TECR: variants seen among roughly 807,000 people sequenced by gnomAD.
TECR encodes the protein trans-2,3-enoyl-CoA reductase.
A neutral mutation model predicts 50.6 loss-of-function variants in TECR; 19 were observed. That is an observed-to-expected ratio of 0.38 (90% CI 0.26 to 0.55). The LOEUF (loss-of-function observed/expected upper bound fraction) is 0.55, where lower values mean the gene tolerates loss of function less well. Among genes scored for constraint, TECR ranks in the 20% least tolerant of loss-of-function variants. The pLI is 0.79. For synonymous variants in TECR, 168 were observed against 163.5 expected (o/e 1.03, Z -0.21); for missense variants, 313 against 408.3 (o/e 0.77, Z 2.01).
At chr19:14,562,305 T>G in intron 1 of TECR, 1 of 638,616 alleles carries the variant, frequency 1.6e-6, no homozygotes, top group Non-Finnish European at 2.8e-6. Context: ...CTGCTTCCCG[T>G]GGGGAGGTCG....
intron 11 of TECR, 72 bp downstream of exon 11, chr19:14,565,362 G>C: frequency 6.4e-7 from 1 of 1,574,590 alleles, no homozygotes. Context: ...CCCTAGGATG[G>C]GGCGCCTGGC....
intron 1 of TECR, among the ~76,000 whole-genome samples, chr19:14,550,632 A>G (rs2073466596): frequency 6.6e-6 from 1 of 152,052 alleles, no homozygotes; most frequent in Admixed American, 6.6e-5. Flanking sequence ...TTTGGCCTTT[A>G]CACTGGAGCT....
chr19:14,562,416 G>A, intron 1 of TECR, 109 bp from the exon 2 acceptor site: 1 of 1,198,414 alleles, frequency 8.3e-7, no homozygotes, highest in Non-Finnish European at 1.2e-6. Context: ...ACTTGAGCTT[G>A]TTGGCCCGGG....
intron 1 of TECR, among the ~76,000 whole-genome samples, chr19:14,556,292 C>T (rs1039212920): frequency 5.3e-5 from 8 of 152,074 alleles, no homozygotes; most frequent in East Asian, 1.9e-4. Flanking sequence ...TTTGTTCACA[C>T]GCCACTTTCT....
chr19:14,550,803 C>T (rs1053277313), intron 1 of TECR, among the ~76,000 whole-genome samples: 5 of 151,888 alleles, frequency 3.3e-5, no homozygotes, highest in African/African-American at 1.2e-4. Flanking sequence ...GTCTCAGCCT[C>T]CCCCGTAGCT....
chr19:14,553,889 G>A (rs1006796505), intron 1 of TECR, among the ~76,000 whole-genome samples: 33 of 152,164 alleles, frequency 2.2e-4, no homozygotes, highest in Non-Finnish European at 1.5e-4. Flanking sequence ...GGCCCTTTGT[G>A]TCTTTACCTG....
chr19:14,542,918 G>T (rs564648932), intron 1 of TECR, among the ~76,000 whole-genome samples: 4 of 152,102 alleles, frequency 2.6e-5, no homozygotes, highest in African/African-American at 9.6e-5. Context: ...CGTAAGCAGA[G>T]CCCACCAGCC....
chr19:14,529,473 T>C (rs2146541249), upstream of TECR: 1 of 673,284 alleles, frequency 1.5e-6, no homozygotes, highest in East Asian at 2.7e-5. Flanking sequence ...AATCCCCTGG[T>C]GCTAGTCCTA....
At chr19:14,557,749 GTCA>G (rs1399633985) in intron 1 of TECR, among the ~76,000 whole-genome samples, 1 of 145,058 alleles carries the variant, frequency 6.9e-6, no homozygotes, top group Admixed American at 6.9e-5. Context: ...ACCGTGCCCG[GTCA>G]TCATATTTAT....
At chr19:14,542,369 T>TTTTTTTTTTTG in intron 1 of TECR, among the ~76,000 whole-genome samples, 1 of 132,212 alleles carries the variant, frequency 7.6e-6, no homozygotes, top group Non-Finnish European at 1.6e-5. Context: ...TTTTTTTTTT[T>TTTTTTTTTTTG]TTTTTTTCTG....
At chr19:14,534,375 C>T (rs1477910192) in intron 1 of TECR, among the ~76,000 whole-genome samples, 2 of 148,534 alleles carry the variant, frequency 1.3e-5, no homozygotes, top group African/African-American at 5.0e-5. Context: ...CCGCCCGCCT[C>T]GGCCTCCCAG....
At chr19:14,529,235 C>A (rs1266026018), upstream of TECR, 2 of 281,810 alleles carry the variant, frequency 7.1e-6, no homozygotes. Flanking sequence ...TTCGGCGCCG[C>A]CTGTCATGTG....
rs541489558 is a variant in TECR at position 14,563,272 on chromosome 19, C to T, written c.118+15C>T. 78 of 1,604,316 alleles carry T rather than the reference C, an allele frequency of 4.9e-5. 1 individual carries two copies. In the South Asian group the frequency reaches 6.1e-4, roughly 12 times the overall value. On this transcript the variant is annotated intron_variant, in intron 3 of 12. Transcript: ENST00000215567. The surrounding 1 kb of genome is among the most constrained non-coding windows in gnomAD (Gnocchi z 5.3). ...CACTAAGACCCGTGAGTTCTAGTCCCGGCCACACTGCCCCTGCAACCCCTT... is the reference window on the plus strand; with the variant it reads ...CACTAAGACCCGTGAGTTCTAGTCCTGGCCACACTGCCCCTGCAACCCCTT...
chr19:14,555,438 CT>C (rs747503834), intron 1 of TECR, among the ~76,000 whole-genome samples: 2,441 of 92,842 alleles, frequency 0.026, 44 homozygotes, highest in African/African-American at 0.065. Context: ...TTTATTTATT[CT>C]TTTTTTTTTT....
Position 14,564,994 on chromosome 19 carries a change from T to TA in TECR, c.606+4dup, listed in dbSNP as rs1195438665. Reference sequence around the variant, plus strand: ...AAACTGGCGCTCGCCATCTTTGTGGTAAGGAGGCTGGGTGTGGGGACGGGG... The same window carrying TA: ...AAACTGGCGCTCGCCATCTTTGTGGTAAAGGAGGCTGGGTGTGGGGACGGGG... On this transcript the variant is annotated splice_region_variant and intron_variant, in intron 9 of 12. Transcript: ENST00000215567. 6.2e-7 allele frequency: 1 copy of TA among 1,613,952 alleles called. No homozygotes were observed. The highest frequency in any genetic ancestry group is 8.5e-7 in the Non-Finnish European group (1 of 1,180,010).
In TECR at chr19:14,565,801, A is replaced by G; in HGVS notation, c.857A>G (p.His286Arg). The G allele has an allele frequency of 1.2e-6, 2 of 1,603,874 alleles. No homozygotes were observed. Among genetic ancestry groups the G allele is most frequent in the Non-Finnish European group, 1.7e-6 (2 of 1,176,234 alleles). ...ATGACCATCTGGGCCAAGGGCAAGC[A>G]CCGCAGCTACCTGAAGGAGTTCCGG... The part of the protein sequence containing the change: ...TQMTIWAKGK[H>R]RSYLKEFRDY... The change falls in exon 13 of 13, where the codon CAC becomes CGC. Residue 286 changes from histidine (H) to arginine (R), a missense_variant. Physicochemically the swap from His to Arg is conservative, Grantham distance 29. Coordinates refer to ENST00000215567, the MANE Select transcript of TECR (RefSeq NM_138501.6).
Position 14,562,280 on chromosome 19 carries a change from T to C in TECR, c.16-245T>C, listed in dbSNP as rs1247641398. 4.9e-6 allele frequency: 3 copies of C among 613,460 alleles called. No individual in the cohort carries two copies. The East Asian group carries it at 8.2e-5, about 17-fold the overall frequency. 38.0% of individuals were successfully genotyped at this position (613,460 alleles called of 1,614,324 possible). On this transcript the variant is annotated intron_variant, in intron 1 of 12. Coordinates refer to ENST00000215567, the MANE Select transcript of TECR (RefSeq NM_138501.6). Reference sequence around the variant, plus strand: ...GCACCGCGGCAGAATTTGATCGCGCTTGCCCGGCCCAGGGCTGCTTCCCGT... The same window carrying C: ...GCACCGCGGCAGAATTTGATCGCGCCTGCCCGGCCCAGGGCTGCTTCCCGT...
intron 1 of TECR, among the ~76,000 whole-genome samples, chr19:14,553,406 C>T (rs1399580703): frequency 6.6e-6 from 1 of 152,114 alleles, no homozygotes; most frequent in Non-Finnish European, 1.5e-5. Flanking sequence ...GCCCTTCCTC[C>T]CCACCCTGGG....
chr19:14,563,904 G>T lies in TECR; in HGVS notation c.267+1G>T. 1 of 1,614,036 alleles carries T rather than the reference G, an allele frequency of 6.2e-7. No homozygotes were observed. Among genetic ancestry groups the T allele is most frequent in the Non-Finnish European group, 8.5e-7 (1 of 1,179,942 alleles). ...GGGGGCCCAGATCAGCTGGGTGACG[G>T]TGAGTCCTGACCCTACCCACGGCCT... On this transcript the variant is annotated splice_donor_variant, in intron 5 of 12. Coordinates refer to ENST00000215567, the MANE Select transcript of TECR (RefSeq NM_138501.6). LOFTEE classifies it high-confidence loss of function. This position sits in a 1 kb window ranked among gnomAD's most constrained non-coding sequence, Gnocchi z 5.3.
Sources: allele counts gnomAD v4.1 joint callset (sites outside exome capture counted in the v4.1 genomes callset), GRCh38; gene constraint gnomAD v4.1.1; non-coding constraint Gnocchi (gnomAD v3.1); transcripts MANE v1.5; gene names NCBI Gene and HGNC (gene_info 2026-07-23, HGNC 2026-07-21).